Variants in EYS observed in about 807,000 individuals in gnomAD.
EYS encodes EGF-like photoreceptor maintenance factor.
In EYS, 250 loss-of-function variants were observed where a neutral mutation model predicts 282.1. The observed-to-expected ratio is 0.89, with a 90% CI of 0.80 to 0.98. EYS has a LOEUF of 0.98. Ranked by LOEUF, EYS falls within the 50% of genes least tolerant of loss-of-function variation. The probability of loss-of-function intolerance (pLI) is 0.00; values close to 1 mark genes in which losing one functional copy is unlikely to be tolerated. For missense variants in EYS, 4,016 were observed against 3,709.0 expected, an observed-to-expected ratio of 1.08 and a Z score of -2.15; for synonymous variants, 1,355 against 1,282.9, an observed-to-expected ratio of 1.06 and a Z score of -1.20.
chr6:65,564,668 A>T (rs570394867), intron 2 of EYS, among the ~76,000 whole-genome samples: 1 of 152,148 alleles, frequency 6.6e-6, no homozygotes, highest in Non-Finnish European at 1.5e-5. Context: ...AACCATAAAA[A>T]CCCTAGAAGA....
intron 36 of EYS, among the ~76,000 whole-genome samples, chr6:63,810,310 C>A (rs932822934): frequency 7.0e-6 from 1 of 143,596 alleles, no homozygotes; most frequent in Non-Finnish European, 1.5e-5. Context: ...AACAACCCCC[C>A]CCCCCAAAAA....
At chr6:64,759,698 C>T (rs1454133788) in intron 22 of EYS, among the ~76,000 whole-genome samples, 3 of 152,054 alleles carry the variant, frequency 2.0e-5, no homozygotes, top group Admixed American at 1.3e-4. Context: ...TAATAATCCA[C>T]AAATGATTGC....
intron 31 of EYS, among the ~76,000 whole-genome samples, chr6:64,085,034 CAG>C (rs764817860): frequency 1.4e-4 from 22 of 151,952 alleles, no homozygotes; most frequent in Non-Finnish European, 3.1e-4. Flanking sequence ...TTTTTTGAGA[CAG>C]AGTCTTGTTC....
At chr6:64,663,506 C>T (rs573944290) in intron 22 of EYS, among the ~76,000 whole-genome samples, 26 of 152,172 alleles carry the variant, frequency 1.7e-4, no homozygotes, top group Non-Finnish European at 2.6e-4. Context: ...AAAGCTATCA[C>T]GGGTTCACTA....
chr6:64,277,072 C>G (rs1768139801), intron 30 of EYS, among the ~76,000 whole-genome samples: 2 of 152,056 alleles, frequency 1.3e-5, no homozygotes, highest in Admixed American at 6.6e-5. Flanking sequence ...TGGCTGTCAC[C>G]TATTAATACA....
At chr6:64,931,632 A>G (rs1319121250) in intron 15 of EYS, among the ~76,000 whole-genome samples, 2 of 152,102 alleles carry the variant, frequency 1.3e-5, no homozygotes, top group Non-Finnish European at 2.9e-5. Context: ...ATTTTTGAAA[A>G]CAAGATCAAT....
intron 31 of EYS, among the ~76,000 whole-genome samples, chr6:64,102,584 A>G (rs998723337): frequency 6.6e-6 from 1 of 152,162 alleles, no homozygotes; most frequent in Non-Finnish European, 1.5e-5. Flanking sequence ...TGAAGAGAAT[A>G]TTTTTCAAAA....
chr6:64,283,215 T>C (rs1055013783), intron 30 of EYS, among the ~76,000 whole-genome samples: 3 of 152,204 alleles, frequency 2.0e-5, no homozygotes, highest in African/African-American at 7.2e-5. Context: ...ATATGATTCA[T>C]ATTTTTTTAA....
At chr6:64,300,563 C>T (rs1269480955) in intron 30 of EYS, among the ~76,000 whole-genome samples, 7 of 152,096 alleles carry the variant, frequency 4.6e-5, no homozygotes, top group Non-Finnish European at 1.0e-4. Flanking sequence ...AAAAAGAGCC[C>T]ATGAATTAGT....
intron 36 of EYS, among the ~76,000 whole-genome samples, chr6:63,836,480 ATTAG>A (rs1415181950): frequency 6.6e-6 from 1 of 152,068 alleles, no homozygotes; most frequent in Non-Finnish European, 1.5e-5. Flanking sequence ...AAAATTCAAT[ATTAG>A]TTTAATGTTA....
intron 12 of EYS, among the ~76,000 whole-genome samples, chr6:65,077,724 T>G (rs2150169747): frequency 6.6e-6 from 1 of 152,214 alleles, no homozygotes; most frequent in East Asian, 1.9e-4. Flanking sequence ...ACAGAATTTC[T>G]TATAAACACA....
chr6:65,670,910 A>G (rs186443137), intron 1 of EYS, among the ~76,000 whole-genome samples: 2 of 152,114 alleles, frequency 1.3e-5, no homozygotes, highest in African/African-American at 4.8e-5. Context: ...AATGGCACCT[A>G]TATTTCTTTT....
At chr6:64,433,259 A>G (rs1377824447) in intron 28 of EYS, among the ~76,000 whole-genome samples, 2 of 152,004 alleles carry the variant, frequency 1.3e-5, no homozygotes, top group Non-Finnish European at 2.9e-5. Flanking sequence ...GCCATATTTC[A>G]ACAATAACAA....
intron 29 of EYS, among the ~76,000 whole-genome samples, chr6:64,329,390 T>C (rs1770554977): frequency 6.6e-6 from 1 of 152,142 alleles, no homozygotes; most frequent in African/African-American, 2.4e-5. Context: ...GGGACATGAC[T>C]CTAAACCTAG....
In EYS at chr6:65,637,132, A is replaced by G. The variant is rs552889622; in HGVS notation, c.-333+2646T>C. The stretch of plus-strand genomic sequence containing the variant: ...CCAACACACTTGGTCACATTTATTT[A>G]TTATTTACTATATGTCTTCCTGAAT... On this transcript the variant is annotated intron_variant, in intron 2 of 42. Transcript: ENST00000503581. Among the ~76,000 whole-genome samples, 4 of 152,324 alleles carry G rather than the reference A, an allele frequency of 2.6e-5. No individual in the cohort carries two copies. In the East Asian group the frequency reaches 7.7e-4, roughly 29 times the overall value.
In EYS at chr6:65,342,796, T is replaced by C. The variant is rs148969686; in HGVS notation, c.1599+1242A>G. ...TGCTATATTTGCGTATTTTCTTGAG[T>C]CTAAAGAAATTGTCTAATTTAATTA... On this transcript the variant is annotated intron_variant, in intron 10 of 42. Coordinates refer to ENST00000503581, the MANE Select transcript of EYS (RefSeq NM_001142800.2). Among the ~76,000 whole-genome samples the C allele has an allele frequency of 3.4e-3, 516 of 150,842 alleles. 1 individual carries two copies. The highest frequency in any genetic ancestry group is 5.5e-3 in the Non-Finnish European group (369 of 67,186).
chr6:65,179,859 T>C (rs1404936302), intron 12 of EYS, among the ~76,000 whole-genome samples: 1 of 151,988 alleles, frequency 6.6e-6, no homozygotes, highest in Non-Finnish European at 1.5e-5. Flanking sequence ...TTATCCACCA[T>C]GATCAAGTGG....
intron 5 of EYS, among the ~76,000 whole-genome samples, chr6:65,413,212 C>T (rs1045120245): frequency 3.3e-5 from 5 of 152,064 alleles, no homozygotes; most frequent in African/African-American, 1.2e-4. Flanking sequence ...TATTCTTCAT[C>T]ACAGCTATGA....
At chr6:64,381,179 G>A (rs997391419) in intron 29 of EYS, among the ~76,000 whole-genome samples, 1 of 151,894 alleles carries the variant, frequency 6.6e-6, no homozygotes, top group Non-Finnish European at 1.5e-5. Context: ...TTATACTAAC[G>A]TTCTTTATAC....
Sources: gnomAD v4.1 joint callset for allele counts (sites outside exome capture counted in the v4.1 genomes callset) on GRCh38, gnomAD v4.1.1 for gene constraint, MANE v1.5 for transcripts, NCBI Gene and HGNC (gene_info 2026-07-23, HGNC 2026-07-21) for gene names.